The following PLXDC2 variants were observed in gnomAD, a reference collection of about 807,000 sequenced individuals.
The protein encoded by PLXDC2 is plexin domain-containing protein 2.
A neutral mutation model predicts 68.9 loss-of-function variants in PLXDC2; 40 were observed. The observed-to-expected ratio is 0.58, with a 90% CI of 0.45 to 0.76. The LOEUF (loss-of-function observed/expected upper bound fraction) is 0.76, where lower values mean the gene tolerates loss of function less well. Ranked by LOEUF, PLXDC2 falls within the 30% of genes least tolerant of loss-of-function variation. PLXDC2 has a pLI of 0.00. For missense variants in PLXDC2, 644 were observed against 661.9 expected (o/e 0.97, Z 0.30); for synonymous variants, 243 against 234.2 (o/e 1.04, Z -0.34).
chr10:20,088,226 A>C (rs1309361589), intron 4 of PLXDC2, among the ~76,000 whole-genome samples: 1 of 152,166 alleles, frequency 6.6e-6, no homozygotes, highest in Non-Finnish European at 1.5e-5. Context: ...CTAATGCTGC[A>C]ATTTCTGTGC....
intron 6 of PLXDC2, among the ~76,000 whole-genome samples, chr10:20,154,563 C>CA (rs368499790): frequency 0.61 from 82,942 of 136,042 alleles, 24,508 homozygotes; most frequent in Middle Eastern, 0.68. Context: ...GACTCTGTCT[C>CA]AAAAAAAAAA....
intron 13 of PLXDC2, among the ~76,000 whole-genome samples, chr10:20,265,449 C>T (rs1485988723): frequency 6.6e-6 from 1 of 152,184 alleles, no homozygotes; most frequent in African/African-American, 2.4e-5. Context: ...TTGGAAATGT[C>T]TGGAACATGC....
At chr10:20,159,631 G>A (rs1023422817) in intron 6 of PLXDC2, among the ~76,000 whole-genome samples, 1 of 152,024 alleles carries the variant, frequency 6.6e-6, no homozygotes, top group African/African-American at 2.4e-5. Flanking sequence ...TGTATCTTTT[G>A]GACTAAAATC....
chr10:20,273,192 C>CT (rs749554257), intron 13 of PLXDC2, among the ~76,000 whole-genome samples: 19 of 152,202 alleles, frequency 1.2e-4, no homozygotes, highest in Non-Finnish European at 2.2e-4. Context: ...CAATATGCCC[C>CT]TTTTCTTTCT....
rs116806671 is a variant in PLXDC2 at position 20,267,929 on chromosome 10, G to A, written c.1474-11774G>A. On this transcript the variant is annotated intron_variant, in intron 13 of 13. Coordinates refer to ENST00000377252, the MANE Select transcript of PLXDC2 (RefSeq NM_032812.9). ...CATAATATCATTACCATGGTTATCA[G>A]CACTTCCTTATCACAGGATGAATGC... 4.6e-3 allele frequency among the ~76,000 whole-genome samples: 704 copies of A among 151,580 alleles called. 8 individuals are homozygous for A. The highest frequency in any genetic ancestry group is 0.014 in the African/African-American group (575 of 41,328).
intron 1 of PLXDC2, among the ~76,000 whole-genome samples, chr10:19,980,012 G>C (rs1350044675): frequency 6.6e-6 from 1 of 152,188 alleles, no homozygotes; most frequent in Admixed American, 6.5e-5. Context: ...ACCATTTGAA[G>C]TAATATAAAA....
chr10:19,962,335 CTTTTTTTTTTT>C (rs33953842), intron 1 of PLXDC2, among the ~76,000 whole-genome samples: 12 of 58,460 alleles, frequency 2.1e-4, no homozygotes, highest in African/African-American at 9.0e-4. Flanking sequence ...AAAGGAGGTT[CTTTTTTTTTTT>C]TTTTTTTTTG....
At chr10:19,863,652 C>T (rs1564612966) in intron 1 of PLXDC2, among the ~76,000 whole-genome samples, 2 of 152,050 alleles carry the variant, frequency 1.3e-5, no homozygotes, top group African/African-American at 2.4e-5. Flanking sequence ...ACATGCATGC[C>T]GTGGCTTAAT....
intron 1 of PLXDC2, among the ~76,000 whole-genome samples, chr10:19,838,902 G>C (rs1355888613): frequency 6.6e-6 from 1 of 152,072 alleles, no homozygotes; most frequent in African/African-American, 2.4e-5. Flanking sequence ...TTACTGCTCT[G>C]GGGCCAGGTG....
At chr10:19,884,802 G>C (rs1336560181) in intron 1 of PLXDC2, among the ~76,000 whole-genome samples, 2 of 152,108 alleles carry the variant, frequency 1.3e-5, no homozygotes. Context: ...GAATAGTGCC[G>C]CAGTAAATAT....
intron 12 of PLXDC2, among the ~76,000 whole-genome samples, chr10:20,232,029 T>C (rs1835371994): frequency 6.6e-6 from 1 of 151,442 alleles, no homozygotes; most frequent in South Asian, 2.1e-4. Context: ...TTAAATTCTG[T>C]GTTCATCAAA....
rs1564644136 is a variant in PLXDC2, at chr10:19,973,311, C to CATATATGTAT, written c.113-28463_113-28462insTATATGTATA. ...ACATATATATGTATATATATATACT[C>CATATATGTAT]ACATATATATGTATACATATATATG... On this transcript the variant is annotated intron_variant, in intron 1 of 13. Coordinates refer to ENST00000377252, the MANE Select transcript of PLXDC2 (RefSeq NM_032812.9). Among the ~76,000 whole-genome samples, 322 of 58,000 alleles carry CATATATGTAT rather than the reference C, an allele frequency of 5.6e-3. 1 individual carries two copies. The highest frequency in any genetic ancestry group is 9.7e-3 in the Non-Finnish European group (268 of 27,494). 38.1% of individuals were successfully genotyped at this position (58,000 alleles called of 152,430 possible).
At chr10:19,886,028 A>G (rs923782407) in intron 1 of PLXDC2, among the ~76,000 whole-genome samples, 1 of 152,010 alleles carries the variant, frequency 6.6e-6, no homozygotes. Flanking sequence ...GTTTTATTTC[A>G]TTGAGGATTG....
chr10:20,091,835 C>G (rs1833281517), intron 4 of PLXDC2: 1 of 152,306 alleles, frequency 6.6e-6, no homozygotes, highest in African/African-American at 2.4e-5. Flanking sequence ...GGACTACTCT[C>G]TCTAGTACCT....
chr10:19,961,515 AG>A (rs1272028297), intron 1 of PLXDC2, among the ~76,000 whole-genome samples: 1 of 152,248 alleles, frequency 6.6e-6, no homozygotes, highest in Non-Finnish European at 1.5e-5. Flanking sequence ...TTGCGTAAGG[AG>A]GGTTCAGCAG....
chr10:20,223,999 G>A (rs1835253457), intron 12 of PLXDC2, among the ~76,000 whole-genome samples: 2 of 144,608 alleles, frequency 1.4e-5, no homozygotes, highest in South Asian at 4.3e-4. Flanking sequence ...TTTTGAGATA[G>A]GGTCTCACTT....
At chr10:20,274,189 C>A (rs1176257239) in intron 13 of PLXDC2, among the ~76,000 whole-genome samples, 1 of 152,104 alleles carries the variant, frequency 6.6e-6, no homozygotes, top group African/African-American at 2.4e-5. Flanking sequence ...AGTCTTTGCA[C>A]CTCCCCAGGT....
intron 1 of PLXDC2, among the ~76,000 whole-genome samples, chr10:19,829,496 T>A (rs1413091166): frequency 6.6e-6 from 1 of 152,178 alleles, no homozygotes. Context: ...TGTCCTGGGT[T>A]AAAGTATCAA....
Position 19,991,635 on chromosome 10 carries a change from G to A in PLXDC2, c.113-10140G>A, listed in dbSNP as rs1259179748. Among the ~76,000 whole-genome samples, 8 of 152,160 alleles carry A rather than the reference G, an allele frequency of 5.3e-5. No individual in the cohort carries two copies. The East Asian group carries it at 1.4e-3, about 26-fold the overall frequency. On this transcript the variant is annotated intron_variant, in intron 1 of 13. Transcript: ENST00000377252. The stretch of plus-strand genomic sequence containing the variant: ...CTGGTCGTTGGATAAGTCAGCCTGG[G>A]CTCAATGTTGCACCATTATGGATTC...
Sources: gnomAD v4.1 joint callset for allele counts (sites outside exome capture counted in the v4.1 genomes callset) on GRCh38, gnomAD v4.1.1 for gene constraint, MANE v1.5 for transcripts, NCBI Gene and HGNC (gene_info 2026-07-23, HGNC 2026-07-21) for gene names.